LIX1L: variants seen among roughly 807,000 people sequenced by gnomAD.
LIX1L encodes the protein limb and CNS expressed 1 like.
LIX1L carries 20 observed loss-of-function variants against 34.0 expected under a neutral mutation model. That is an observed-to-expected ratio of 0.59 (90% CI 0.41 to 0.85). The LOEUF is 0.85. LIX1L is among the 40% of genes least tolerant of loss of function. LIX1L has a pLI of 0.00. For synonymous variants in LIX1L, 170 were observed against 187.4 expected (o/e 0.91, Z 0.76); for missense variants, 397 against 447.0 (o/e 0.89, Z 1.01).
rs587743963 is a variant in LIX1L at position 145,948,221 on chromosome 1, A to G, written c.293-439T>C. On this transcript the variant is annotated intron_variant, in intron 1 of 5. Coordinates refer to ENST00000604000, the MANE Select transcript of LIX1L (RefSeq NM_153713.3). This position sits in a 1 kb window ranked among gnomAD's most constrained non-coding sequence, Gnocchi z 4.0. Reference sequence around the variant, plus strand: ...ACCACCACAATAAGTGCTAACATGTATTGAACTGTATGTCACCCATTTCTG... The same window carrying G: ...ACCACCACAATAAGTGCTAACATGTGTTGAACTGTATGTCACCCATTTCTG... Among the ~76,000 whole-genome samples, 1 of 152,346 alleles carries G rather than the reference A, an allele frequency of 6.6e-6. No homozygotes were observed. Among genetic ancestry groups the G allele is most frequent in the Admixed American group, 6.5e-5 (1 of 15,306 alleles).
chr1:145,954,486 C>T (rs1046264691), intron 1 of LIX1L, among the ~76,000 whole-genome samples: 1 of 152,180 alleles, frequency 6.6e-6, no homozygotes, highest in South Asian at 2.1e-4. Context: ...GAAAATACTA[C>T]ACAAGATTCA....
intron 3 of LIX1L, among the ~76,000 whole-genome samples, chr1:145,938,240 A>G (rs1056781073): frequency 1.3e-5 from 2 of 152,166 alleles, no homozygotes; most frequent in Non-Finnish European, 2.9e-5. Context: ...AATATTTTAC[A>G]TTTTTGTACT....
intron 5 of LIX1L, 128 bp downstream of exon 5, chr1:145,936,780 A>G: frequency 1.2e-6 from 1 of 811,986 alleles, no homozygotes; most frequent in East Asian, 2.5e-5. Context: ...GAGGGTACTT[A>G]GGTAAGGCTT....
chr1:145,944,287 G>A (rs1553758999), intron 2 of LIX1L, among the ~76,000 whole-genome samples: 1 of 152,136 alleles, frequency 6.6e-6, no homozygotes, highest in Non-Finnish European at 1.5e-5. Flanking sequence ...TTGAGCCTAG[G>A]AGTCAAGGGT....
rs1260781795 is a variant in LIX1L at position 145,938,776 on chromosome 1, C to T, written c.598-1077G>A. On this transcript the variant is annotated intron_variant, in intron 3 of 5. Coordinates refer to ENST00000604000, the MANE Select transcript of LIX1L (RefSeq NM_153713.3). Reference sequence around the variant, plus strand: ...CTAATTTTTTTATTTTTAGTGGAGACGGGGTTTCACCATGTTGGCCAGGCT... The same window carrying T: ...CTAATTTTTTTATTTTTAGTGGAGATGGGGTTTCACCATGTTGGCCAGGCT... Among the ~76,000 whole-genome samples, 3 of 152,012 alleles carry T rather than the reference C, an allele frequency of 2.0e-5. No homozygotes were observed. The East Asian group carries it at 5.8e-4, about 29-fold the overall frequency.
Position 145,957,640 on chromosome 1 carries a change from G to A in LIX1L, c.288C>T (p.Gly96=), listed in dbSNP as rs147385281. The change falls in exon 1 of 6, where the codon GGC becomes GGT. Residue 96 remains glycine, a synonymous_variant. Coordinates refer to ENST00000604000, the MANE Select transcript of LIX1L (RefSeq NM_153713.3). ...RSFAKHTQGY[G]RVNVVEALQE... ...AGGCCAGACCCGCAGACTCACCTCGGCCATAGCCCTGCGTGTGCTTGGCGA... is the reference window on the plus strand; with the variant it reads ...AGGCCAGACCCGCAGACTCACCTCGACCATAGCCCTGCGTGTGCTTGGCGA... The A allele has an allele frequency of 1.9e-4, 292 of 1,538,042 alleles. No homozygotes were observed. Among genetic ancestry groups the A allele is most frequent in the Non-Finnish European group, 2.4e-4 (281 of 1,147,442 alleles).
intron 1 of LIX1L, among the ~76,000 whole-genome samples, chr1:145,957,288 A>G (rs1390543457): frequency 2.0e-5 from 3 of 152,244 alleles, no homozygotes; most frequent in African/African-American, 7.2e-5. Context: ...GAAATAAAAG[A>G]CAGGATCCCA....
At chr1:145,955,227 G>T (rs1553760244) in intron 1 of LIX1L, among the ~76,000 whole-genome samples, 1 of 152,222 alleles carries the variant, frequency 6.6e-6, no homozygotes, top group Non-Finnish European at 1.5e-5. Context: ...AACTTATCAA[G>T]ATCCTACAGA....
At chr1:145,946,200 CTTTTT>C (rs5777570) in intron 2 of LIX1L, among the ~76,000 whole-genome samples, 1 of 138,054 alleles carries the variant, frequency 7.2e-6, no homozygotes. Flanking sequence ...GACTGAAGTT[CTTTTT>C]TTTTTTTTTT....
At chr1:145,937,773 G>T in intron 3 of LIX1L, 74 bp from the exon 4 acceptor site, 1 of 863,304 alleles carries the variant, frequency 1.2e-6, no homozygotes, top group Non-Finnish European at 2.0e-6. Flanking sequence ...CTGTCCAGTA[G>T]AAATATAATG....
At position 145,947,246 on chromosome 1, in the gene LIX1L, A is replaced by C. The variant is rs185769578; in HGVS notation, c.456+373T>G. The C allele has an allele frequency of 3.1e-3, 606 of 194,252 alleles. 4 individuals carry two copies. Among genetic ancestry groups the C allele is most frequent in the Middle Eastern group, 0.014 (6 of 428 alleles). 12.0% of individuals were successfully genotyped at this position (194,252 alleles called of 1,614,324 possible). On this transcript the variant is annotated intron_variant, in intron 2 of 5. Transcript: ENST00000604000. ...GAACTCCAACATTGCTTTCTTTAGT[A>C]ATTGCCTACGAAAAAGTACTGGAGG...
intron 1 of LIX1L, among the ~76,000 whole-genome samples, chr1:145,954,537 C>G (rs1263658265): frequency 6.6e-6 from 1 of 152,198 alleles, no homozygotes. Context: ...AATCTCCAAT[C>G]ATGCAGCCAT....
intron 3 of LIX1L, chr1:145,942,369 C>CTA (rs587756676): frequency 5.2e-4 from 89 of 172,104 alleles, no homozygotes; most frequent in South Asian, 4.3e-3. Context: ...ACTGCAGAAA[C>CTA]TAAGGTCTTA....
At chr1:145,942,589 G>T in intron 3 of LIX1L, 124 bp downstream of exon 3, 2 of 868,536 alleles carry the variant, frequency 2.3e-6, no homozygotes, top group Non-Finnish European at 3.7e-6. Flanking sequence ...TAAATCAAAA[G>T]AACAGAGAGG....
chr1:145,941,231 A>G (rs1648902889), intron 3 of LIX1L: 2 of 150,566 alleles, frequency 1.3e-5, no homozygotes, highest in South Asian at 2.1e-4. Flanking sequence ...AACTGAAGTA[A>G]TTTAGTATAT....
intron 1 of LIX1L, 124 bp from the exon 2 acceptor site, chr1:145,947,906 C>A (rs184443571): frequency 5.2e-6 from 4 of 769,670 alleles, no homozygotes; most frequent in Non-Finnish European, 4.1e-6. Flanking sequence ...CCCTACCTAT[C>A]GCCATTGAAA....
At chr1:145,946,641 A>G (rs1179078229) in intron 2 of LIX1L, among the ~76,000 whole-genome samples, 1 of 152,228 alleles carries the variant, frequency 6.6e-6, no homozygotes, top group Non-Finnish European at 1.5e-5. Flanking sequence ...ACTATCTGCT[A>G]GGCACTAAGA....
At chr1:145,940,478 C>T (rs1648863019) in intron 3 of LIX1L, among the ~76,000 whole-genome samples, 1 of 150,842 alleles carries the variant, frequency 6.6e-6, no homozygotes, top group Non-Finnish European at 1.5e-5. Flanking sequence ...TCCTGAGTAG[C>T]TGGCATTACA....
intron 2 of LIX1L, 28 bp from the exon 3 acceptor site, chr1:145,942,881 T>C (rs1553758853): frequency 1.2e-6 from 2 of 1,611,522 alleles, no homozygotes; most frequent in African/African-American, 1.3e-5. Flanking sequence ...AGTGAGAATA[T>C]GTGTATTTGT....
Sources: allele counts gnomAD v4.1 joint callset (sites outside exome capture counted in the v4.1 genomes callset), GRCh38; gene constraint gnomAD v4.1.1; non-coding constraint Gnocchi (gnomAD v3.1); transcripts MANE v1.5; gene names NCBI Gene and HGNC (gene_info 2026-07-23, HGNC 2026-07-21).